Variants in SGO2 observed in about 807,000 individuals in gnomAD.
SGO2 encodes the protein shugoshin 2, also known as shugoshin-like 2.
SGO2 carries 68 observed loss-of-function variants against 99.5 expected under a neutral mutation model. The ratio of observed to expected loss-of-function variants is 0.68; its 90% CI spans 0.56 to 0.84. SGO2 has a LOEUF of 0.84. Ranked by LOEUF, SGO2 falls within the 40% of genes least tolerant of loss-of-function variation. The pLI, the probability that SGO2 is intolerant of heterozygous loss-of-function variation, is 0.00. For synonymous variants in SGO2, 457 were observed against 487.1 expected, an observed-to-expected ratio of 0.94 and a Z score of 0.81; for missense variants, 1,350 against 1,436.7, an observed-to-expected ratio of 0.94 and a Z score of 0.97.
In SGO2 at chr2:200,573,582, C is replaced by CA; in HGVS notation, c.3239dup (p.Lys1081GlufsTer14). On this transcript the variant is annotated frameshift_variant, in exon 7 of 9. Transcript: ENST00000357799. LOFTEE classifies it high-confidence loss of function. ...AAGGTAAATAAAATGACATCTAAGT[C>CA]AAAGAAAAGGAAGACCTCCATAGAT... 1 of 1,605,166 alleles carries CA rather than the reference C, an allele frequency of 6.2e-7. No homozygotes were observed.
chr2:200,531,617 G>C lies in SGO2; in HGVS notation c.-2-1357G>C, dbSNP rs958877811. 2.0e-5 allele frequency among the ~76,000 whole-genome samples: 3 copies of C among 152,224 alleles called. No individual in the cohort carries two copies. In the South Asian group the frequency reaches 6.2e-4, roughly 32 times the overall value. On this transcript the variant is annotated intron_variant, in intron 1 of 8. Coordinates refer to ENST00000357799, the MANE Select transcript of SGO2 (RefSeq NM_152524.6). ...GAATGTGAGTTCTAGAGGACCTCAT[G>C]AGTCTGGCAAGGGTAAGATAGGCAG...
At chr2:200,580,082 G>A (rs73044170) in intron 8 of SGO2, among the ~76,000 whole-genome samples, 15 of 151,960 alleles carry the variant, frequency 9.9e-5, no homozygotes, top group East Asian at 1.9e-4. Flanking sequence ...CCTTAATAAC[G>A]TTGACTGTTT....
rs2033916184 is a variant in SGO2 at position 200,583,985 on chromosome 2, T to C, written c.*521T>C. On this transcript the variant is annotated 3_prime_UTR_variant, in exon 9 of 9. Coordinates refer to ENST00000357799, the MANE Select transcript of SGO2 (RefSeq NM_152524.6). ...TTCTATTATATGTAATCTGATGACT[T>C]AGAGGAGGAGATTAACCTTTCAGGC... is the stretch of plus-strand genomic sequence containing the variant. Among the ~76,000 whole-genome samples the C allele has an allele frequency of 6.6e-6, 1 of 152,230 alleles. No individual in the cohort carries two copies. The highest frequency in any genetic ancestry group is 1.5e-5 in the Non-Finnish European group (1 of 68,038).
At chr2:200,577,088 T>C (rs1304900623) in intron 8 of SGO2, among the ~76,000 whole-genome samples, 1 of 152,166 alleles carries the variant, frequency 6.6e-6, no homozygotes, top group Admixed American at 6.5e-5. Flanking sequence ...TGAGTCTGTT[T>C]AATTGTTTGA....
chr2:200,530,163 T>C (rs1321400909), intron 1 of SGO2, among the ~76,000 whole-genome samples: 1 of 152,092 alleles, frequency 6.6e-6, no homozygotes, highest in Non-Finnish European at 1.5e-5. Flanking sequence ...TTGTATAGAT[T>C]AGTTCACTGT....
At chr2:200,548,237 A>C (rs929408841) in intron 5 of SGO2, among the ~76,000 whole-genome samples, 8 of 151,828 alleles carry the variant, frequency 5.3e-5, no homozygotes, top group African/African-American at 1.9e-4. Context: ...GGCACAAACA[A>C]ATCTGTACAA....
At chr2:200,576,134 AT>A (rs776439718) in intron 8 of SGO2, 6 of 362,550 alleles carry the variant, frequency 1.7e-5, no homozygotes, top group African/African-American at 1.3e-4. Flanking sequence ...TCTCATGGGT[AT>A]TTTAAAGCAA....
At chr2:200,574,886 A>G (rs1486990827) in intron 7 of SGO2, among the ~76,000 whole-genome samples, 1 of 151,944 alleles carries the variant, frequency 6.6e-6, no homozygotes, top group African/African-American at 2.4e-5. Context: ...ATATGTGTGT[A>G]GATCCCTAAG....
rs773443710 is a variant in SGO2, at chr2:200,542,530, G to T, written c.388-49G>T. On this transcript the variant is annotated intron_variant, in intron 4 of 8. Coordinates refer to ENST00000357799, the MANE Select transcript of SGO2 (RefSeq NM_152524.6). ...AATTTGGTACTGTGATAACTAACAT[G>T]ATTTAATAAGGTTAGAAACTTTGTT... 122 of 1,431,042 alleles carry T rather than the reference G, an allele frequency of 8.5e-5. No homozygotes were observed. In the South Asian group the frequency reaches 1.3e-3, roughly 16 times the overall value. The allele number at this position is 1,431,042 out of a possible 1,614,324, so 88.6% of individuals were successfully genotyped here.
rs754762034 is a variant in SGO2, at chr2:200,569,801, G to A, written c.612G>A (p.Ser204=). The change falls in exon 6 of 9, where the codon TCG becomes TCA. Residue 204 remains serine, a synonymous_variant. Transcript: ENST00000357799. ...AACCTTTATCAACTCAGGATAATTCGGAAGTGTTATTTCTTAAAGAAAATA... is the reference window on the plus strand; with the variant it reads ...AACCTTTATCAACTCAGGATAATTCAGAAGTGTTATTTCTTAAAGAAAATA... The part of the protein sequence containing the change: ...TTQPLSTQDN[S]EVLFLKENNQ... The A allele has an allele frequency of 4.8e-5, 78 of 1,609,938 alleles. No homozygotes were observed. Among genetic ancestry groups the A allele is most frequent in the South Asian group, 7.7e-5 (7 of 90,948 alleles).
At chr2:200,563,687 C>A (rs903048853) in intron 5 of SGO2, among the ~76,000 whole-genome samples, 2 of 152,156 alleles carry the variant, frequency 1.3e-5, no homozygotes, top group Non-Finnish European at 2.9e-5. Flanking sequence ...CCATCTGGTC[C>A]TGGACTTTTT....
At position 200,573,919 on chromosome 2, in the gene SGO2, T is replaced by C. The variant is rs971991148; in HGVS notation, c.3573T>C (p.His1191=). The C allele has an allele frequency of 1.4e-5, 22 of 1,607,040 alleles. No individual in the cohort carries two copies. The African/African-American group carries it at 2.7e-4, about 20-fold the overall frequency. Residue 1191 remains histidine, a synonymous_variant, in exon 7 of 9, where the codon CAT becomes CAC. Coordinates refer to ENST00000357799, the MANE Select transcript of SGO2 (RefSeq NM_152524.6). ...SPAFQVSDDE[H]EKMNKMKFKV... ...CCTTTCAAGTAAGTGATGATGAGCATGAGAAGATGAACAAGATGAAATTTA... is the reference window on the plus strand; with the variant it reads ...CCTTTCAAGTAAGTGATGATGAGCACGAGAAGATGAACAAGATGAAATTTA...
At position 200,583,529 on chromosome 2, in the gene SGO2, G is replaced by T; in HGVS notation, c.*65G>T. The T allele has an allele frequency of 7.1e-7, 1 of 1,412,082 alleles. No homozygotes were observed. The highest frequency in any genetic ancestry group is 9.6e-7 in the Non-Finnish European group (1 of 1,037,874). 87.5% of individuals were successfully genotyped at this position (1,412,082 alleles called of 1,614,324 possible). A position where few individuals can be genotyped will look rare whatever the true frequency, so the allele number is the denominator to read the frequency against. ...CATAAGGAATCAAAACAGAAATATAGTATCAAGAAGATGAAATGCTTAATG... is the reference window on the plus strand; with the variant it reads ...CATAAGGAATCAAAACAGAAATATATTATCAAGAAGATGAAATGCTTAATG... On this transcript the variant is annotated 3_prime_UTR_variant, in exon 9 of 9. Transcript: ENST00000357799.
chr2:200,566,264 T>C (rs190503490), intron 5 of SGO2, among the ~76,000 whole-genome samples: 1 of 152,292 alleles, frequency 6.6e-6, no homozygotes, highest in East Asian at 1.9e-4. Flanking sequence ...GGATGTCCTT[T>C]CTCTTTGTTA....
chr2:200,563,071 C>A (rs1388995751), intron 5 of SGO2, among the ~76,000 whole-genome samples: 2 of 152,148 alleles, frequency 1.3e-5, no homozygotes, highest in Non-Finnish European at 2.9e-5. Context: ...TGCCTGATTG[C>A]CCTGGCCAGA....
chr2:200,544,749 G>T (rs1396598878), intron 5 of SGO2, among the ~76,000 whole-genome samples: 1 of 147,876 alleles, frequency 6.8e-6, no homozygotes, highest in African/African-American at 2.5e-5. Context: ...GGCTTCAGGA[G>T]AAACTGCTAA....
intron 8 of SGO2, among the ~76,000 whole-genome samples, chr2:200,578,204 G>A (rs1056871526): frequency 8.3e-5 from 4 of 48,094 alleles, no homozygotes; most frequent in African/African-American, 2.3e-4. Context: ...TATCTCTTTT[G>A]TTCTATAGAT....
intron 2 of SGO2, among the ~76,000 whole-genome samples, chr2:200,534,172 T>C (rs763694404): frequency 2.6e-5 from 4 of 152,206 alleles, no homozygotes; most frequent in Admixed American, 6.5e-5. Flanking sequence ...ACACTAGACT[T>C]TTATTCAGTG....
intron 8 of SGO2, chr2:200,576,216 C>CT (rs66861543): frequency 2.6e-3 from 476 of 182,200 alleles, no homozygotes; most frequent in South Asian, 3.7e-3. Context: ...ACCAAGGGGC[C>CT]TTTTTTTTTT....
Sources: gnomAD v4.1 joint callset for allele counts (sites outside exome capture counted in the v4.1 genomes callset) on GRCh38, gnomAD v4.1.1 for gene constraint, MANE v1.5 for transcripts, NCBI Gene and HGNC (gene_info 2026-07-23, HGNC 2026-07-21) for gene names.